CCDC178: variants seen among roughly 807,000 people sequenced by gnomAD.
The protein encoded by CCDC178 is coiled-coil domain-containing protein 178.
CCDC178 carries 126 observed loss-of-function variants against 117.4 expected under a neutral mutation model. The ratio of observed to expected loss-of-function variants is 1.07; its 90% confidence interval spans 0.93 to 1.24. The LOEUF (loss-of-function observed/expected upper bound fraction) is 1.24. CCDC178 is among the 50% of genes most tolerant of loss of function. The pLI is 0.00. For missense variants in CCDC178, 1,030 were observed against 986.9 expected, an observed-to-expected ratio of 1.04 and a Z score of -0.59; for synonymous variants, 283 against 313.4, an observed-to-expected ratio of 0.90 and a Z score of 1.02.
intron 21 of CCDC178, among the ~76,000 whole-genome samples, chr18:33,082,302 C>G (rs1032147615): frequency 1.3e-5 from 2 of 152,080 alleles, no homozygotes; most frequent in Admixed American, 1.3e-4. Flanking sequence ...GAAACTCCAT[C>G]TCTACCAAAA....
At chr18:33,118,425 C>T (rs947248914) in intron 20 of CCDC178, among the ~76,000 whole-genome samples, 11 of 152,202 alleles carry the variant, frequency 7.2e-5, no homozygotes, top group African/African-American at 2.4e-4. Flanking sequence ...TACTGATCCA[C>T]TACCAAAAGT....
At chr18:33,110,619 T>C (rs2057768211) in intron 20 of CCDC178, among the ~76,000 whole-genome samples, 1 of 151,614 alleles carries the variant, frequency 6.6e-6, no homozygotes, top group Non-Finnish European at 1.5e-5. Flanking sequence ...TATTTAGATA[T>C]CCAATTGATC....
chr18:33,368,584 T>G (rs1403295178), intron 6 of CCDC178, among the ~76,000 whole-genome samples: 2 of 151,970 alleles, frequency 1.3e-5, no homozygotes, highest in African/African-American at 2.4e-5. Flanking sequence ...CCATAGTATC[T>G]AACAGTTTAT....
At position 33,050,251 on chromosome 18, in the gene CCDC178, T is replaced by C. The variant is rs190234785; in HGVS notation, c.2388+42510A>G. Among the ~76,000 whole-genome samples the C allele has an allele frequency of 2.6e-5, 4 of 152,326 alleles. No individual in the cohort carries two copies. In the East Asian group the frequency reaches 5.8e-4, roughly 22 times the overall value. ...AAACATAGATGGGTTCATTTTCTTATAATGTTATATTTTCTGAATTGTGTT... is the reference window on the plus strand; with the variant it reads ...AAACATAGATGGGTTCATTTTCTTACAATGTTATATTTTCTGAATTGTGTT... On this transcript the variant is annotated intron_variant, in intron 21 of 22. Coordinates refer to ENST00000383096, the MANE Select transcript of CCDC178 (RefSeq NM_001105528.4).
chr18:33,143,454 C>T (rs2058233187), intron 20 of CCDC178, among the ~76,000 whole-genome samples: 1 of 152,118 alleles, frequency 6.6e-6, no homozygotes, highest in Non-Finnish European at 1.5e-5. Flanking sequence ...CCCTGAATAT[C>T]CTCTGCTGTA....
rs192807005 is a variant in CCDC178, at chr18:32,961,920, A to G, written c.2523+12627T>C. The stretch of plus-strand genomic sequence containing the variant: ...TTTAATCACTTTGATATAATTTTTG[A>G]TGTGCTTGGATTTAGATCTATTGTT... On this transcript the variant is annotated intron_variant, in intron 22 of 22. Transcript: ENST00000383096. Among the ~76,000 whole-genome samples, 6 of 151,380 alleles carry G rather than the reference A, an allele frequency of 4.0e-5. No individual in the cohort carries two copies. The East Asian group carries it at 1.2e-3, about 30-fold the overall frequency.
chr18:33,361,007 A>AAG (rs938046654), intron 6 of CCDC178, among the ~76,000 whole-genome samples: 5 of 151,640 alleles, frequency 3.3e-5, no homozygotes, highest in Non-Finnish European at 5.9e-5. Flanking sequence ...ATTAATATAG[A>AAG]GCCATAAAAA....
intron 21 of CCDC178, among the ~76,000 whole-genome samples, chr18:32,982,097 G>T (rs1220420247): frequency 6.6e-6 from 1 of 151,976 alleles, no homozygotes; most frequent in African/African-American, 2.4e-5. Context: ...TTGTGTCTGT[G>T]TCTTACAGAA....
At chr18:33,415,084 C>T (rs1387237484) in intron 2 of CCDC178, among the ~76,000 whole-genome samples, 2 of 152,200 alleles carry the variant, frequency 1.3e-5, no homozygotes, top group East Asian at 3.8e-4. Flanking sequence ...GAAATAGGAA[C>T]ACTTTTACAC....
At chr18:33,397,279 T>C in intron 3 of CCDC178, 71 bp from the exon 4 acceptor site, 2 of 987,126 alleles carry the variant, frequency 2.0e-6, no homozygotes, top group Non-Finnish European at 3.1e-6. Context: ...TATATTGCAC[T>C]AGTAAGGATA....
At chr18:33,340,424 G>A (rs564856243) in intron 9 of CCDC178, among the ~76,000 whole-genome samples, 1 of 152,212 alleles carries the variant, frequency 6.6e-6, no homozygotes, top group Non-Finnish European at 1.5e-5. Flanking sequence ...CATTTTTTGA[G>A]GATAAATTCA....
chr18:32,956,820 G>A (rs2054604884), intron 22 of CCDC178: 1 of 152,144 alleles, frequency 6.6e-6, no homozygotes, highest in South Asian at 2.1e-4. Flanking sequence ...TGTGAGATGA[G>A]TAATTCCCTG....
intron 21 of CCDC178, among the ~76,000 whole-genome samples, chr18:33,028,157 T>C (rs2056264964): frequency 1.3e-5 from 2 of 151,606 alleles, no homozygotes; most frequent in African/African-American, 2.4e-5. Flanking sequence ...TGAATAGAAA[T>C]TGAACACATT....
chr18:33,181,731 T>C (rs906797397), intron 20 of CCDC178, among the ~76,000 whole-genome samples: 3 of 151,926 alleles, frequency 2.0e-5, no homozygotes, highest in Non-Finnish European at 4.4e-5. Flanking sequence ...GTCTGTGTTT[T>C]ATCTAAACTC....
At chr18:33,316,776 T>G (rs1568140603) in intron 11 of CCDC178, among the ~76,000 whole-genome samples, 2 of 152,122 alleles carry the variant, frequency 1.3e-5, no homozygotes, top group Non-Finnish European at 2.9e-5. Flanking sequence ...GCACTCTGTA[T>G]CTAGCTAATC....
At chr18:33,413,511 A>C (rs1271818647) in intron 2 of CCDC178, among the ~76,000 whole-genome samples, 1 of 129,908 alleles carries the variant, frequency 7.7e-6, no homozygotes, top group Admixed American at 8.8e-5. Context: ...TCCTCCAGTA[A>C]GATAGAACTG....
rs1253120211 is a variant in CCDC178, at chr18:33,358,513, G to A, written c.349-2167C>T. On this transcript the variant is annotated intron_variant, in intron 6 of 22. Coordinates refer to ENST00000383096, the MANE Select transcript of CCDC178 (RefSeq NM_001105528.4). ...ATACATGAAACTTTGATGTATGATG[G>A]ATATGGTATGGCTGATTTATAAGAA... Among the ~76,000 whole-genome samples, 3 of 151,872 alleles carry A rather than the reference G, an allele frequency of 2.0e-5. No homozygotes were observed. In the East Asian group the frequency reaches 5.8e-4, roughly 29 times the overall value.
At chr18:33,228,147 G>A (rs1678231939) in intron 15 of CCDC178, among the ~76,000 whole-genome samples, 1 of 152,176 alleles carries the variant, frequency 6.6e-6, no homozygotes, top group Non-Finnish European at 1.5e-5. Flanking sequence ...GGTGAATGAG[G>A]TGAAGCTGAA....
intron 12 of CCDC178, among the ~76,000 whole-genome samples, chr18:33,283,295 C>A (rs1352143319): frequency 1.3e-5 from 2 of 152,000 alleles, no homozygotes; most frequent in African/African-American, 4.8e-5. Context: ...ATAAATTAAA[C>A]CCCCAAAGTC....
Sources: gnomAD v4.1 joint callset for allele counts (sites outside exome capture counted in the v4.1 genomes callset) on GRCh38, gnomAD v4.1.1 for gene constraint, MANE v1.5 for transcripts, NCBI Gene and HGNC (gene_info 2026-07-23, HGNC 2026-07-21) for gene names.